WIPI1: variants seen among roughly 807,000 people sequenced by gnomAD.
WIPI1 encodes the protein WD repeat domain phosphoinositide-interacting protein 1.
WIPI1 carries 45 observed loss-of-function variants against 55.3 expected under a neutral mutation model. The ratio of observed to expected loss-of-function variants is 0.81; its 90% CI spans 0.64 to 1.04. The LOEUF is 1.04. Ranked by LOEUF, WIPI1 falls within the 50% of genes least tolerant of loss-of-function variation. The probability of loss-of-function intolerance (pLI) is 0.00; values close to 1 mark genes in which losing one functional copy is unlikely to be tolerated. For synonymous variants in WIPI1, 195 were observed against 217.6 expected, an observed-to-expected ratio of 0.90 and a Z score of 0.92; for missense variants, 445 against 559.0, an observed-to-expected ratio of 0.80 and a Z score of 2.06.
chr17:68,425,924 C>A (rs56196726), intron 12 of WIPI1, 151 bp downstream of exon 12: 35,143 of 659,812 alleles, frequency 0.053, 1,819 homozygotes, highest in South Asian at 0.17. Flanking sequence ...CACAGTACAA[C>A]AAATATCCTA....
intron 4 of WIPI1, among the ~76,000 whole-genome samples, chr17:68,444,223 A>G (rs149839519): frequency 2.0e-4 from 31 of 152,320 alleles, no homozygotes; most frequent in African/African-American, 7.5e-4. Context: ...TGTCTACCTT[A>G]CGTGCCTTGA....
intron 2 of WIPI1, among the ~76,000 whole-genome samples, chr17:68,452,275 T>C (rs928060940): frequency 6.6e-6 from 1 of 152,200 alleles, no homozygotes; most frequent in African/African-American, 2.4e-5. Flanking sequence ...CAAAAATAAG[T>C]CACAGGTGGC....
intron 3 of WIPI1, 114 bp downstream of exon 3, chr17:68,450,614 T>G: frequency 7.3e-7 from 1 of 1,367,704 alleles, no homozygotes; most frequent in Non-Finnish European, 1.0e-6. Context: ...AGTGTTAACA[T>G]TCTCATTAGA....
chr17:68,424,236 C>G (rs1405987653), intron 12 of WIPI1, among the ~76,000 whole-genome samples: 1 of 152,192 alleles, frequency 6.6e-6, no homozygotes, highest in Admixed American at 6.5e-5. Context: ...CACTTGCCAG[C>G]CACGTCTCTG....
intron 7 of WIPI1, among the ~76,000 whole-genome samples, 191 bp from the exon 8 acceptor site, chr17:68,433,766 T>G (rs1309013813): frequency 7.9e-4 from 13 of 16,422 alleles, no homozygotes; most frequent in African/African-American, 2.3e-3. Flanking sequence ...CATAGTTTTT[T>G]TTTTTTTTTT....
chr17:68,448,325 C>T lies in WIPI1; in HGVS notation c.333+2403G>A, dbSNP rs374644158. The T allele has an allele frequency of 2.4e-4, 37 of 152,294 alleles. No individual in the cohort carries two copies. In the East Asian group the frequency reaches 3.7e-3, roughly 15 times the overall value. 9.4% of individuals were successfully genotyped at this position (152,294 alleles called of 1,614,324 possible). A position where few individuals can be genotyped will look rare whatever the true frequency, so the allele number is the denominator to read the frequency against. On this transcript the variant is annotated intron_variant, in intron 3 of 12. Coordinates refer to ENST00000262139, the MANE Select transcript of WIPI1 (RefSeq NM_017983.7). ...CAGACCTGTTTCAAATCATTCTTGT[C>T]GGAGAAGAAATGTAAAGGAAGGGAG...
intron 8 of WIPI1, among the ~76,000 whole-genome samples, chr17:68,433,027 C>G (rs902664777): frequency 6.6e-6 from 1 of 152,168 alleles, no homozygotes; most frequent in Non-Finnish European, 1.5e-5. Context: ...GCTTCCCAAG[C>G]GCTCAGTGGT....
At chr17:68,441,545 G>T (rs2084076952) in intron 4 of WIPI1, among the ~76,000 whole-genome samples, 1 of 152,180 alleles carries the variant, frequency 6.6e-6, no homozygotes, top group South Asian at 2.1e-4. Context: ...GGCCTCTGGG[G>T]AATGTATAAT....
At chr17:68,444,915 CTTTTTTTTTT>C (rs10607287) in intron 3 of WIPI1, among the ~76,000 whole-genome samples, 42 of 89,092 alleles carry the variant, frequency 4.7e-4, no homozygotes, top group African/African-American at 1.7e-3. Flanking sequence ...ATCCTGAACA[CTTTTTTTTTT>C]TTTTTTTTTT....
intron 3 of WIPI1, among the ~76,000 whole-genome samples, chr17:68,447,485 G>A (rs1600369915): frequency 6.6e-6 from 1 of 152,172 alleles, no homozygotes; most frequent in South Asian, 2.1e-4. Flanking sequence ...GGGCTTAAAC[G>A]ATCCTCCTGC....
intron 9 of WIPI1, among the ~76,000 whole-genome samples, chr17:68,429,450 G>A (rs536403941): frequency 1.3e-5 from 2 of 152,262 alleles, no homozygotes; most frequent in East Asian, 3.9e-4. Context: ...ATAAAAATAA[G>A]AATTGTTTTT....
intron 12 of WIPI1, chr17:68,424,451 A>T (rs77279010): frequency 5.6e-5 from 30 of 534,634 alleles, no homozygotes; most frequent in Non-Finnish European, 1.0e-4. Flanking sequence ...TCCTTTTACA[A>T]TTGGAAGCTC....
chr17:68,438,162 GC>G (rs932975899), intron 4 of WIPI1, among the ~76,000 whole-genome samples: 7 of 152,276 alleles, frequency 4.6e-5, no homozygotes, highest in African/African-American at 1.7e-4. Flanking sequence ...TGAGTCCACA[GC>G]AGGGCTGTCC....
rs536065494 is a variant in WIPI1 at position 68,423,068 on chromosome 17, C to T, written c.1294-1248G>A. On this transcript the variant is annotated intron_variant, in intron 12 of 12. Coordinates refer to ENST00000262139, the MANE Select transcript of WIPI1 (RefSeq NM_017983.7). This position sits in a 1 kb window ranked among gnomAD's most constrained non-coding sequence, Gnocchi z 4.4. Reference sequence around the variant, plus strand: ...GCAGCGGCTCACAGAGCTCCTGTAGCAGACTACTCAGGCAAGCCTATGTTT... The same window carrying T: ...GCAGCGGCTCACAGAGCTCCTGTAGTAGACTACTCAGGCAAGCCTATGTTT... Among the ~76,000 whole-genome samples, 15 of 152,150 alleles carry T rather than the reference C, an allele frequency of 9.9e-5. No homozygotes were observed. Among genetic ancestry groups the T allele is most frequent in the Non-Finnish European group, 2.1e-4 (14 of 68,032 alleles).
chr17:68,457,264 A>G (rs905538534), intron 1 of WIPI1, 78 bp downstream of exon 1: 35 of 1,497,686 alleles, frequency 2.3e-5, no homozygotes, highest in Non-Finnish European at 3.1e-5. Flanking sequence ...GGAAGCCACA[A>G]GCTGCTCTCA....
At chr17:68,433,777 T>TTGTTTTTG (rs1568633020) in intron 7 of WIPI1, among the ~76,000 whole-genome samples, 1 of 63,656 alleles carries the variant, frequency 1.6e-5, no homozygotes, top group African/African-American at 4.9e-5. Context: ...TTTTTTTTTT[T>TTGTTTTTG]TTTTTTTTTT....
intron 3 of WIPI1, among the ~76,000 whole-genome samples, chr17:68,444,885 C>T (rs2084218538): frequency 6.6e-6 from 1 of 150,596 alleles, no homozygotes; most frequent in African/African-American, 2.4e-5. Context: ...CTTCCTTCTC[C>T]TTCTTTCCTT....
At chr17:68,443,200 T>C (rs1189877606) in intron 4 of WIPI1, among the ~76,000 whole-genome samples, 2 of 152,178 alleles carry the variant, frequency 1.3e-5, no homozygotes, top group Non-Finnish European at 2.9e-5. Flanking sequence ...AGCCTCCGCC[T>C]CCTGGGTTCA....
chr17:68,457,181 G>A (rs1255099896), intron 1 of WIPI1, among the ~76,000 whole-genome samples, 161 bp downstream of exon 1: 3 of 152,172 alleles, frequency 2.0e-5, no homozygotes, highest in Non-Finnish European at 2.9e-5. Context: ...CCCCACTGAA[G>A]GGGTACGGGG....
Sources: gnomAD v4.1 joint callset for allele counts (sites outside exome capture counted in the v4.1 genomes callset) on GRCh38, gnomAD v4.1.1 for gene constraint, Gnocchi (gnomAD v3.1) non-coding constraint, MANE v1.5 for transcripts, NCBI Gene and HGNC (gene_info 2026-07-23, HGNC 2026-07-21) for gene names.